The following RTL4 variants were observed in gnomAD, a reference collection of about 807,000 sequenced individuals.
RTL4 encodes retrotransposon Gag like 4.
A neutral mutation model predicts 5.3 loss-of-function variants in RTL4; 4 were observed. That is an observed-to-expected ratio of 0.75 (90% CI 0.37 to 1.72). The LOEUF is 1.72. RTL4 is among the 40% of genes most tolerant of loss of function. RTL4 has a pLI of 0.04. For synonymous variants in RTL4, 98 were observed against 87.3 expected (o/e 1.12, Z -0.68); for missense variants, 260 against 227.1 (o/e 1.14, Z -0.93).
chrX:112,246,155 G>A, the RTL4 span, among the ~76,000 whole-genome samples: 1 of 112,283 alleles, frequency 8.9e-6, no homozygotes, highest in African/African-American at 3.2e-5. Flanking sequence ...GTGTCTCCCA[G>A]TTAGGGCACA....
chrX:112,166,940 T>C, the RTL4 span, among the ~76,000 whole-genome samples: 1 of 112,090 alleles, frequency 8.9e-6, no homozygotes, highest in Admixed American at 9.5e-5. Context: ...TCTCTTTCTA[T>C]TGTAGCTGCC....
the RTL4 span, among the ~76,000 whole-genome samples, chrX:112,169,092 C>CTTTCTTTCTTTCTTT: frequency 2.6e-5 from 1 of 37,986 alleles, no homozygotes; most frequent in African/African-American, 8.5e-5. Flanking sequence ...TCTTTTCTTT[C>CTTTCTTTCTTTCTTT]TTTCTTTCTT....
chrX:112,168,921 C>A, the RTL4 span, among the ~76,000 whole-genome samples: 1 of 73,538 alleles, frequency 1.4e-5, no homozygotes, highest in African/African-American at 4.9e-5. Context: ...GCCTTTAATT[C>A]TTTCTTTCTT....
At chrX:112,158,621 A>G in the RTL4 span, among the ~76,000 whole-genome samples, 1 of 111,131 alleles carries the variant, frequency 9.0e-6, no homozygotes, top group Non-Finnish European at 1.9e-5. Flanking sequence ...TATGATGTCC[A>G]CATTTCCATG....
At chrX:112,194,121 T>C in the RTL4 span, among the ~76,000 whole-genome samples, 1 of 112,226 alleles carries the variant, frequency 8.9e-6, no homozygotes, top group Non-Finnish European at 1.9e-5. Flanking sequence ...GCTAGCTCTC[T>C]GCTCTCCAGT....
the RTL4 span, among the ~76,000 whole-genome samples, chrX:112,409,295 T>C: frequency 8.9e-6 from 1 of 112,446 alleles, no homozygotes; most frequent in South Asian, 3.7e-4. Flanking sequence ...AGGTGTAGAA[T>C]TTTTATGTTT....
At chrX:112,253,398 C>T in the RTL4 span, among the ~76,000 whole-genome samples, 3 of 112,198 alleles carry the variant, frequency 2.7e-5, no homozygotes, top group Admixed American at 9.5e-5. Flanking sequence ...CTGTTTCCTA[C>T]GAAATTCACT....
At chrX:112,115,491 G>A in the RTL4 span, among the ~76,000 whole-genome samples, 1 of 111,649 alleles carries the variant, frequency 9.0e-6, no homozygotes, top group Non-Finnish European at 1.9e-5. Flanking sequence ...TCCAGGGTTG[G>A]AAGAGTGACA....
the RTL4 span, among the ~76,000 whole-genome samples, chrX:112,347,093 A>AT: frequency 8.9e-6 from 1 of 111,895 alleles, no homozygotes; most frequent in Admixed American, 9.5e-5. Flanking sequence ...TTTACTAGTT[A>AT]TGTGACTAAA....
the RTL4 span, among the ~76,000 whole-genome samples, chrX:112,286,030 T>A: frequency 9.0e-6 from 1 of 111,704 alleles, no homozygotes; most frequent in South Asian, 3.7e-4. Flanking sequence ...GTTTTATACA[T>A]AAAATATAAA....
the RTL4 span, among the ~76,000 whole-genome samples, chrX:112,164,333 G>A: frequency 2.7e-5 from 3 of 112,047 alleles, no homozygotes; most frequent in Non-Finnish European, 5.6e-5. Context: ...TGGTAGTTTC[G>A]CCTTAGCTGT....
the RTL4 span, among the ~76,000 whole-genome samples, chrX:112,207,547 G>A: frequency 9.0e-6 from 1 of 111,132 alleles, no homozygotes; most frequent in Non-Finnish European, 1.9e-5. Flanking sequence ...TGACATGCCA[G>A]TTTCACTACT....
the RTL4 span, among the ~76,000 whole-genome samples, chrX:112,268,037 T>C: frequency 6.3e-5 from 7 of 111,277 alleles, no homozygotes; most frequent in African/African-American, 2.3e-4. Context: ...CCAAGTCATG[T>C]CACCCCTCTG....
chrX:112,349,667 CTG>C, the RTL4 span, among the ~76,000 whole-genome samples: 1 of 95,296 alleles, frequency 1.0e-5, no homozygotes, highest in African/African-American at 3.9e-5. Context: ...CTCTGTTTGT[CTG>C]TTATTGGTGT....
the RTL4 span, among the ~76,000 whole-genome samples, chrX:112,242,273 A>C: frequency 8.9e-6 from 1 of 111,760 alleles, no homozygotes; most frequent in Non-Finnish European, 1.9e-5. Flanking sequence ...TTGAATCTAT[A>C]AATTACCTTG....
the RTL4 span, among the ~76,000 whole-genome samples, chrX:112,144,283 G>A: frequency 5.4e-5 from 6 of 111,439 alleles, no homozygotes; most frequent in African/African-American, 9.8e-5. Flanking sequence ...ATTATAGTCA[G>A]AGTGGGTATA....
the RTL4 span, among the ~76,000 whole-genome samples, chrX:112,085,408 G>C: frequency 8.9e-6 from 1 of 112,585 alleles, no homozygotes; most frequent in East Asian, 2.8e-4. Flanking sequence ...CTTGACCATA[G>C]TGGTAAATGG....
At chrX:112,378,338 T>C in the RTL4 span, among the ~76,000 whole-genome samples, 1 of 111,666 alleles carries the variant, frequency 9.0e-6, no homozygotes, top group Non-Finnish European at 1.9e-5. Flanking sequence ...CAGAATGACA[T>C]TGAGCCTGAA....
the RTL4 span, among the ~76,000 whole-genome samples, chrX:112,325,517 C>A: frequency 8.9e-6 from 1 of 111,799 alleles, no homozygotes; most frequent in African/African-American, 3.3e-5. Flanking sequence ...ACTATCTGAT[C>A]TTTGACAAAC....
Sources: allele counts gnomAD v4.1 joint callset (sites outside exome capture counted in the v4.1 genomes callset), GRCh38; gene constraint gnomAD v4.1.1; transcripts MANE v1.5; gene names NCBI Gene and HGNC (gene_info 2026-07-23, HGNC 2026-07-21).